Variants in ALCAM observed in about 807,000 individuals in gnomAD.
ALCAM encodes CD166 antigen.
Under a neutral mutation model 70.9 loss-of-function variants are expected in ALCAM, and 30 were observed. The observed-to-expected ratio is 0.42, with a 90% CI of 0.32 to 0.57. The LOEUF (loss-of-function observed/expected upper bound fraction) is 0.57, where lower values mean the gene tolerates loss of function less well. Among genes scored for constraint, ALCAM ranks in the 20% least tolerant of loss-of-function variants. The pLI, the probability that ALCAM is intolerant of heterozygous loss-of-function variation, is 0.11. For synonymous variants in ALCAM, 249 were observed against 242.5 expected, an observed-to-expected ratio of 1.03 and a Z score of -0.25; for missense variants, 591 against 695.1, an observed-to-expected ratio of 0.85 and a Z score of 1.68.
At chr3:105,499,713 A>G (rs1938866130) in intron 1 of ALCAM, among the ~76,000 whole-genome samples, 1 of 152,212 alleles carries the variant, frequency 6.6e-6, no homozygotes, top group African/African-American at 2.4e-5. Flanking sequence ...AAGTAGGGTA[A>G]ACATTAGCAG....
At chr3:105,523,072 G>C (rs1366387155) in intron 2 of ALCAM, among the ~76,000 whole-genome samples, 2 of 149,424 alleles carry the variant, frequency 1.3e-5, no homozygotes, top group African/African-American at 4.9e-5. Context: ...CCCGGGAGGC[G>C]GAGCTTGCAG....
At chr3:105,458,779 G>C (rs1169761307) in intron 1 of ALCAM, among the ~76,000 whole-genome samples, 1 of 152,044 alleles carries the variant, frequency 6.6e-6, no homozygotes, top group Non-Finnish European at 1.5e-5. Context: ...ACAGCATTTC[G>C]CTTCTGAAAT....
intron 1 of ALCAM, among the ~76,000 whole-genome samples, chr3:105,511,339 G>A (rs940482252): frequency 6.6e-6 from 1 of 152,006 alleles, no homozygotes; most frequent in Non-Finnish European, 1.5e-5. Flanking sequence ...TTTCCCAAGT[G>A]TATGTGACTA....
At chr3:105,442,574 G>C (rs372206931) in intron 1 of ALCAM, among the ~76,000 whole-genome samples, 1 of 152,058 alleles carries the variant, frequency 6.6e-6, no homozygotes, top group Admixed American at 6.5e-5. Context: ...GAGGTCAGGA[G>C]ATCGATACCA....
chr3:105,568,344 GC>G (rs1940791077), intron 14 of ALCAM, among the ~76,000 whole-genome samples: 1 of 152,086 alleles, frequency 6.6e-6, no homozygotes, highest in South Asian at 2.1e-4. Context: ...ACCCACCTTT[GC>G]CTCCCAAAGT....
At chr3:105,442,942 A>C (rs1388648542) in intron 1 of ALCAM, among the ~76,000 whole-genome samples, 1 of 152,178 alleles carries the variant, frequency 6.6e-6, no homozygotes, top group African/African-American at 2.4e-5. Flanking sequence ...GGATCCTCCC[A>C]CTTGAGCCCC....
chr3:105,568,833 G>T (rs1331564514), intron 14 of ALCAM, among the ~76,000 whole-genome samples: 2 of 151,480 alleles, frequency 1.3e-5, no homozygotes, highest in East Asian at 3.9e-4. Flanking sequence ...TTTTCTGAGG[G>T]TTTATAATTG....
chr3:105,436,000 C>T (rs1937040867), intron 1 of ALCAM, among the ~76,000 whole-genome samples: 1 of 152,138 alleles, frequency 6.6e-6, no homozygotes, highest in Non-Finnish European at 1.5e-5. Context: ...GAGCAAGTCA[C>T]ATCTTACATG....
chr3:105,501,829 C>G (rs1435755423), intron 1 of ALCAM, among the ~76,000 whole-genome samples: 1 of 152,076 alleles, frequency 6.6e-6, no homozygotes, highest in Non-Finnish European at 1.5e-5. Context: ...TAGTGCCTGC[C>G]AATACTTAAA....
intron 1 of ALCAM, among the ~76,000 whole-genome samples, chr3:105,445,903 A>C (rs1180569891): frequency 6.6e-6 from 1 of 152,200 alleles, no homozygotes; most frequent in Non-Finnish European, 1.5e-5. Flanking sequence ...GAAATGCTTC[A>C]TGACATTGGT....
chr3:105,445,026 T>TCTTA (rs1937260974), intron 1 of ALCAM, among the ~76,000 whole-genome samples: 1 of 152,322 alleles, frequency 6.6e-6, no homozygotes, highest in South Asian at 2.1e-4. Context: ...ACTTCATTTA[T>TCTTA]CTTAGTCTAT....
intron 1 of ALCAM, among the ~76,000 whole-genome samples, chr3:105,372,156 G>T (rs1431650097): frequency 1.3e-5 from 2 of 151,946 alleles, no homozygotes; most frequent in Non-Finnish European, 2.9e-5. Flanking sequence ...TCCTTTCCTT[G>T]TGGAGAGTAA....
In ALCAM at chr3:105,493,929, GGTTTAGGATATTTT is replaced by G. The variant is rs564915472; in HGVS notation, c.74-26137_74-26124del. Among the ~76,000 whole-genome samples, 46 of 152,190 alleles carry G rather than the reference GGTTTAGGATATTTT, an allele frequency of 3.0e-4. No homozygotes were observed. The East Asian group carries it at 8.3e-3, about 27-fold the overall frequency. On this transcript the variant is annotated intron_variant, in intron 1 of 15. Transcript: ENST00000306107. ...CCATTATTATCCCCATTATTATTAA[GGTTTAGGATATTTT>G]AAGTAGCTTTTCAAGCTCATCACTT...
chr3:105,408,396 C>A lies in ALCAM; in HGVS notation c.73+40915C>A, dbSNP rs999014387. Among the ~76,000 whole-genome samples, 9 of 152,104 alleles carry A rather than the reference C, an allele frequency of 5.9e-5. No individual in the cohort carries two copies. In the East Asian group the frequency reaches 1.2e-3, roughly 20 times the overall value. On this transcript the variant is annotated intron_variant, in intron 1 of 15. Transcript: ENST00000306107. ...AGAATAGAAAACCCAGAAATAAACC[C>A]AAATATTTACATCCAACTGATCTTT...
At chr3:105,466,202 C>T (rs1937728099) in intron 1 of ALCAM, among the ~76,000 whole-genome samples, 1 of 151,394 alleles carries the variant, frequency 6.6e-6, no homozygotes. Flanking sequence ...GAGCTCCTGT[C>T]CTTGTGGGTC....
intron 14 of ALCAM, among the ~76,000 whole-genome samples, chr3:105,557,382 A>T (rs1576240697): frequency 6.6e-6 from 1 of 152,114 alleles, no homozygotes; most frequent in African/African-American, 2.4e-5. Context: ...TCACAGGGTC[A>T]CCGGCCACTC....
chr3:105,502,817 A>T (rs577561451), intron 1 of ALCAM, among the ~76,000 whole-genome samples: 1 of 152,322 alleles, frequency 6.6e-6, no homozygotes, highest in South Asian at 2.1e-4. Flanking sequence ...ATCACCTAGA[A>T]TTGGCTTTGT....
chr3:105,485,940 CAG>C (rs1255775815), intron 1 of ALCAM, among the ~76,000 whole-genome samples: 1 of 151,908 alleles, frequency 6.6e-6, no homozygotes, highest in Non-Finnish European at 1.5e-5. Context: ...TTCTTACAAT[CAG>C]AGTTAAGCAA....
intron 1 of ALCAM, among the ~76,000 whole-genome samples, chr3:105,442,720 G>A (rs1212453695): frequency 6.6e-6 from 1 of 152,040 alleles, no homozygotes; most frequent in Non-Finnish European, 1.5e-5. Flanking sequence ...GGCGGAGCTT[G>A]CAGTGAGCCG....
Sources: gnomAD v4.1 joint callset for allele counts (sites outside exome capture counted in the v4.1 genomes callset) on GRCh38, gnomAD v4.1.1 for gene constraint, MANE v1.5 for transcripts, NCBI Gene and HGNC (gene_info 2026-07-23, HGNC 2026-07-21) for gene names.